The following SHANK2 variants were observed in gnomAD, a reference collection of about 807,000 sequenced individuals.
The protein encoded by SHANK2 is SH3 and multiple ankyrin repeat domains 2.
In SHANK2, 43 loss-of-function variants were observed where a neutral mutation model predicts 133.7. The ratio of observed to expected loss-of-function variants is 0.32; its 90% CI spans 0.25 to 0.41. The LOEUF (loss-of-function observed/expected upper bound fraction) is 0.41, where lower values mean the gene tolerates loss of function less well. Ranked by LOEUF, SHANK2 falls within the 10% of genes least tolerant of loss-of-function variation. The probability of loss-of-function intolerance (pLI) is 1.00; values close to 1 mark genes in which losing one functional copy is unlikely to be tolerated. For missense variants in SHANK2, 1,994 were observed against 2,235.8 expected (o/e 0.89, Z 2.18); for synonymous variants, 1,017 against 952.8 (o/e 1.07, Z -1.24).
intron 17 of SHANK2, among the ~76,000 whole-genome samples, chr11:70,618,310 A>AAAG (rs2060783023): frequency 1.3e-5 from 2 of 152,018 alleles, no homozygotes; most frequent in Admixed American, 6.6e-5. Context: ...AAAAAAAAAA[A>AAAG]AAAGAAATGT....
chr11:70,773,307 G>A (rs531004420), intron 14 of SHANK2, among the ~76,000 whole-genome samples: 4 of 152,314 alleles, frequency 2.6e-5, no homozygotes, highest in Admixed American at 2.0e-4. Context: ...TTCCTGAAGC[G>A]TTATTCACAA....
Position 71,092,448 on chromosome 11 carries a change from C to T in SHANK2, c.886G>A (p.Glu296Lys). The T allele has an allele frequency of 4.5e-6, 7 of 1,551,534 alleles. No homozygotes were observed. Among genetic ancestry groups the T allele is most frequent in the Non-Finnish European group, 6.1e-6 (7 of 1,146,954 alleles). ...TGGTGGATCTCGTGCCAGCCGTTCT[C>T]ATCTTTGCAGCACACAGTGGCGTGT... ...HEHATVCCKD[E>K]NGWHEIHQAC... Residue 296 changes from glutamate (E) to lysine (K), a missense_variant, in exon 8 of 26, where the codon GAG becomes AAG. Physicochemically the swap from Glu to Lys is moderately conservative, Grantham distance 56. Transcript: ENST00000601538.
At chr11:70,641,374 T>A (rs1365796576) in intron 17 of SHANK2, among the ~76,000 whole-genome samples, 2 of 152,188 alleles carry the variant, frequency 1.3e-5, no homozygotes, top group African/African-American at 4.8e-5. Context: ...ATTACAGGCA[T>A]AAGCCACTGC....
intron 14 of SHANK2, among the ~76,000 whole-genome samples, chr11:70,781,563 TATATATA>T (rs1947494168): frequency 9.3e-6 from 1 of 108,078 alleles, no homozygotes; most frequent in African/African-American, 3.4e-5. Context: ...ACTTATTATA[TATATATA>T]TATATATATA....
intron 2 of SHANK2, among the ~76,000 whole-genome samples, chr11:71,167,353 AGG>A (rs1953174943): frequency 6.6e-6 from 1 of 151,698 alleles, no homozygotes; most frequent in South Asian, 2.1e-4. Flanking sequence ...ACTTCCCAGT[AGG>A]GGCGGCCGGG....
intron 13 of SHANK2, among the ~76,000 whole-genome samples, chr11:70,803,105 T>C (rs535854007): frequency 2.6e-5 from 4 of 152,128 alleles, no homozygotes; most frequent in Admixed American, 2.6e-4. Flanking sequence ...GACACAGGGA[T>C]AGCTGCTGTT....
At chr11:70,622,537 A>AG (rs1554998247) in intron 17 of SHANK2, among the ~76,000 whole-genome samples, 1 of 152,200 alleles carries the variant, frequency 6.6e-6, no homozygotes, top group African/African-American at 2.4e-5. Flanking sequence ...AGCTTCTGGG[A>AG]GGGGCCATCC....
At chr11:71,070,633 G>A (rs2135966289) in intron 9 of SHANK2, among the ~76,000 whole-genome samples, 1 of 152,358 alleles carries the variant, frequency 6.6e-6, no homozygotes, top group Admixed American at 6.5e-5. Flanking sequence ...TCCATTCCAA[G>A]GCTTAGAGAA....
At chr11:70,837,157 T>C (rs1555060258) in intron 11 of SHANK2, among the ~76,000 whole-genome samples, 3 of 152,226 alleles carry the variant, frequency 2.0e-5, no homozygotes, top group South Asian at 4.1e-4. Flanking sequence ...GTCTATGGTA[T>C]TTTTTGTTAA....
At chr11:71,128,532 C>T (rs559764271) in intron 3 of SHANK2, among the ~76,000 whole-genome samples, 3 of 152,218 alleles carry the variant, frequency 2.0e-5, no homozygotes, top group South Asian at 2.1e-4. Context: ...ACCAGCCTTG[C>T]GATGATGTAC....
intron 4 of SHANK2, among the ~76,000 whole-genome samples, chr11:71,114,222 G>A (rs782538171): frequency 1.3e-5 from 2 of 152,150 alleles, no homozygotes; most frequent in Admixed American, 6.5e-5. Flanking sequence ...AGGGTGGCCT[G>A]AGCATTGAAT....
intron 11 of SHANK2, among the ~76,000 whole-genome samples, chr11:70,845,198 CAAAAAAAAAA>C (rs782471301): frequency 9.7e-5 from 5 of 51,696 alleles, no homozygotes; most frequent in Non-Finnish European, 7.6e-5. Context: ...GACTCTGTCT[CAAAAAAAAAA>C]AAAAAAAAAA....
At chr11:70,874,587 GA>G (rs1555070824) in intron 11 of SHANK2, among the ~76,000 whole-genome samples, 4 of 142,734 alleles carry the variant, frequency 2.8e-5, no homozygotes, top group Middle Eastern at 8.1e-3. Flanking sequence ...CAAATATTTT[GA>G]AAGAATGAAT....
intron 10 of SHANK2, among the ~76,000 whole-genome samples, chr11:70,922,889 C>T (rs146869960): frequency 6.6e-6 from 1 of 151,964 alleles, no homozygotes; most frequent in Non-Finnish European, 1.5e-5. Flanking sequence ...TACAACATCC[C>T]CTATACTTTA....
intron 11 of SHANK2, 28 bp from the exon 12 acceptor site, chr11:70,820,710 G>A (rs879975796): frequency 3.4e-5 from 22 of 641,998 alleles, no homozygotes; most frequent in East Asian, 8.2e-5. Flanking sequence ...GAGAGAGGCC[G>A]GTGAGTGCAT....
At chr11:71,123,603 T>G (rs1555101960) in intron 3 of SHANK2, among the ~76,000 whole-genome samples, 1 of 152,216 alleles carries the variant, frequency 6.6e-6, no homozygotes, top group Non-Finnish European at 1.5e-5. Context: ...CTGGTCCCAC[T>G]GTTACCAGTG....
intron 17 of SHANK2, among the ~76,000 whole-genome samples, chr11:70,518,682 C>T (rs1385102087): frequency 1.3e-5 from 2 of 152,186 alleles, no homozygotes; most frequent in Non-Finnish European, 1.5e-5. Flanking sequence ...CAGGCGGTGC[C>T]GGGCATACCC....
chr11:70,577,307 A>G (rs1274218288), intron 17 of SHANK2, among the ~76,000 whole-genome samples: 1 of 152,156 alleles, frequency 6.6e-6, no homozygotes, highest in East Asian at 1.9e-4. Flanking sequence ...CAGTGACCCC[A>G]AGACCACCAG....
At position 70,548,198 on chromosome 11, in the gene SHANK2, G is replaced by A. The variant is rs144899667; in HGVS notation, c.2062-45267C>T. On this transcript the variant is annotated intron_variant, in intron 17 of 25. Transcript: ENST00000601538. The stretch of plus-strand genomic sequence containing the variant: ...GACACTGGCCACCCCTGGAGCAGGC[G>A]GCTGCTCTCCCCACTCAGCGGCCCG... 4.2e-3 allele frequency among the ~76,000 whole-genome samples: 647 copies of A among 152,368 alleles called. 13 individuals carry two copies. Among genetic ancestry groups the A allele is most frequent in the Admixed American group, 0.037 (562 of 15,310 alleles).
Sources: allele counts gnomAD v4.1 joint callset (sites outside exome capture counted in the v4.1 genomes callset), GRCh38; gene constraint gnomAD v4.1.1; transcripts MANE v1.5; gene names NCBI Gene and HGNC (gene_info 2026-07-23, HGNC 2026-07-21).